The following NKAIN2 variants were observed in gnomAD, a reference collection of about 807,000 sequenced individuals.
NKAIN2 encodes the protein sodium/potassium transporting ATPase interacting 2, also known as sodium/potassium-transporting ATPase subunit beta-1-interacting protein 2.
A neutral mutation model predicts 32.6 loss-of-function variants in NKAIN2; 14 were observed. The observed-to-expected ratio is 0.43, with a 90% CI of 0.28 to 0.67. NKAIN2 has a LOEUF of 0.67. NKAIN2 is among the 30% of genes least tolerant of loss of function. The pLI is 0.17. For missense variants in NKAIN2, 198 were observed against 258.3 expected (o/e 0.77, Z 1.60); for synonymous variants, 80 against 87.2 (o/e 0.92, Z 0.46).
intron 2 of NKAIN2, among the ~76,000 whole-genome samples, chr6:124,303,285 C>T (rs2114981822): frequency 6.6e-6 from 1 of 151,992 alleles, no homozygotes; most frequent in East Asian, 1.9e-4. Flanking sequence ...TGGAAGGAGC[C>T]AAGAAACCAA....
chr6:124,713,044 T>A (rs1296014972), intron 4 of NKAIN2, among the ~76,000 whole-genome samples: 2 of 152,102 alleles, frequency 1.3e-5, no homozygotes, highest in African/African-American at 4.8e-5. Context: ...AACTAATATG[T>A]TGAATGACAG....
chr6:124,397,949 TTATTTAAAATG>T (rs1217902972), intron 3 of NKAIN2, among the ~76,000 whole-genome samples: 5 of 151,932 alleles, frequency 3.3e-5, no homozygotes, highest in Non-Finnish European at 7.4e-5. Context: ...CCTAGGGAAT[TTATTTAAAATG>T]AAGATACCCG....
At chr6:124,563,571 G>C (rs1780786164) in intron 3 of NKAIN2, among the ~76,000 whole-genome samples, 2 of 152,088 alleles carry the variant, frequency 1.3e-5, no homozygotes, top group South Asian at 4.1e-4. Context: ...TGCAATCAAG[G>C]TTGTGTTCCC....
intron 1 of NKAIN2, among the ~76,000 whole-genome samples, chr6:124,141,921 T>A (rs569741089): frequency 1.3e-5 from 2 of 152,304 alleles, no homozygotes; most frequent in Admixed American, 6.5e-5. Flanking sequence ...TTCTCCCTGT[T>A]GTTCATTGGT....
At position 123,946,195 on chromosome 6, in the gene NKAIN2, TA is replaced by T. The variant is rs141384361; in HGVS notation, c.54+141945del. Among the ~76,000 whole-genome samples, 515 of 152,258 alleles carry T rather than the reference TA, an allele frequency of 3.4e-3. 3 individuals are homozygous for T. Among genetic ancestry groups the T allele is most frequent in the African/African-American group, 0.011 (472 of 41,560 alleles). ...GGTGAGCAGAGTGAAGTATTTATCTTAAAATTAAAAAGAGCCTTACATTTAA... is the reference window on the plus strand; with the variant it reads ...GGTGAGCAGAGTGAAGTATTTATCTTAAATTAAAAAGAGCCTTACATTTAA... On this transcript the variant is annotated intron_variant, in intron 1 of 6. Coordinates refer to ENST00000368417, the MANE Select transcript of NKAIN2 (RefSeq NM_001040214.3).
At chr6:123,805,248 T>C (rs1773167175) in intron 1 of NKAIN2, among the ~76,000 whole-genome samples, 1 of 152,236 alleles carries the variant, frequency 6.6e-6, no homozygotes, top group African/African-American at 2.4e-5. Flanking sequence ...TTTCAACAAC[T>C]GTTTCATAAA....
Position 123,840,372 on chromosome 6 carries a change from C to T in NKAIN2, c.54+36118C>T, listed in dbSNP as rs902616762. Among the ~76,000 whole-genome samples, 5 of 152,130 alleles carry T rather than the reference C, an allele frequency of 3.3e-5. No individual in the cohort carries two copies. In the East Asian group the frequency reaches 7.7e-4, roughly 24 times the overall value. ...ACAACCATAGGGAAAAAATGAAACA[C>T]AGTTTTTCCTTTTAATCAAAGATGA... On this transcript the variant is annotated intron_variant, in intron 1 of 6. Transcript: ENST00000368417.
At chr6:124,348,936 G>A (rs1798581071) in intron 2 of NKAIN2, among the ~76,000 whole-genome samples, 1 of 152,190 alleles carries the variant, frequency 6.6e-6, no homozygotes, top group South Asian at 2.1e-4. Context: ...CGGTGCACCA[G>A]GAGATTATAT....
chr6:124,332,852 C>A (rs965382636), intron 2 of NKAIN2, among the ~76,000 whole-genome samples: 4 of 152,094 alleles, frequency 2.6e-5, no homozygotes, highest in African/African-American at 9.7e-5. Context: ...AAAAAAATAA[C>A]AATAAAATCC....
intron 1 of NKAIN2, among the ~76,000 whole-genome samples, chr6:123,828,042 T>C (rs540674501): frequency 1.3e-5 from 2 of 152,298 alleles, no homozygotes; most frequent in African/African-American, 4.8e-5. Context: ...TTCCTTTTCT[T>C]TGGAATAGCC....
chr6:123,901,529 T>C (rs538718345), intron 1 of NKAIN2, among the ~76,000 whole-genome samples: 2 of 152,308 alleles, frequency 1.3e-5, no homozygotes, highest in African/African-American at 4.8e-5. Context: ...AATGATATTA[T>C]TATTCTAAGA....
At chr6:124,494,846 C>A (rs149281745) in intron 3 of NKAIN2, among the ~76,000 whole-genome samples, 1 of 151,924 alleles carries the variant, frequency 6.6e-6, no homozygotes, top group Non-Finnish European at 1.5e-5. Context: ...TCAGAAAAAA[C>A]GAAAGCAAGC....
intron 1 of NKAIN2, among the ~76,000 whole-genome samples, chr6:124,120,749 G>A (rs899757505): frequency 1.2e-4 from 19 of 152,012 alleles, no homozygotes; most frequent in African/African-American, 4.6e-4. Context: ...AATCACTTGA[G>A]CTTTTAAATG....
chr6:123,980,932 C>A (rs539488758), intron 1 of NKAIN2, among the ~76,000 whole-genome samples: 1 of 149,896 alleles, frequency 6.7e-6, no homozygotes, highest in African/African-American at 2.5e-5. Context: ...TGCAGTGGTG[C>A]GATCTCTGCT....
intron 3 of NKAIN2, among the ~76,000 whole-genome samples, chr6:124,515,861 G>A (rs182302922): frequency 2.6e-5 from 4 of 151,812 alleles, no homozygotes; most frequent in African/African-American, 9.7e-5. Context: ...TCTCCTGATT[G>A]CCTCTACCTT....
intron 3 of NKAIN2, among the ~76,000 whole-genome samples, chr6:124,599,548 C>T (rs1165172615): frequency 2.0e-5 from 3 of 152,102 alleles, no homozygotes; most frequent in East Asian, 1.9e-4. Context: ...AAGATATAGC[C>T]GTGATCCTTG....
At chr6:123,809,642 C>T (rs1275183026) in intron 1 of NKAIN2, among the ~76,000 whole-genome samples, 1 of 152,024 alleles carries the variant, frequency 6.6e-6, no homozygotes, top group Non-Finnish European at 1.5e-5. Flanking sequence ...AAAAATACTT[C>T]AGTTGTGTTT....
intron 3 of NKAIN2, among the ~76,000 whole-genome samples, chr6:124,595,846 A>T (rs1031365062): frequency 3.3e-5 from 5 of 152,156 alleles, no homozygotes; most frequent in African/African-American, 1.2e-4. Context: ...AGAGCTAATT[A>T]CACATAAGGT....
At chr6:124,239,463 C>G (rs965704196) in intron 1 of NKAIN2, among the ~76,000 whole-genome samples, 7 of 152,182 alleles carry the variant, frequency 4.6e-5, no homozygotes, top group African/African-American at 1.4e-4. Flanking sequence ...CACCACGTCA[C>G]ACTTATTCTA....
Sources: gnomAD v4.1 joint callset for allele counts (sites outside exome capture counted in the v4.1 genomes callset) on GRCh38, gnomAD v4.1.1 for gene constraint, MANE v1.5 for transcripts, NCBI Gene and HGNC (gene_info 2026-07-23, HGNC 2026-07-21) for gene names.